VWF: variants seen among roughly 807,000 people sequenced by gnomAD.
VWF encodes the protein von Willebrand factor.
VWF carries 176 observed loss-of-function variants against 308.6 expected under a neutral mutation model. That is an observed-to-expected ratio of 0.57 (90% CI 0.50 to 0.65). The LOEUF (loss-of-function observed/expected upper bound fraction) is 0.65. VWF is among the 30% of genes least tolerant of loss of function. The pLI, the probability that VWF is intolerant of heterozygous loss-of-function variation, is 0.00. For synonymous variants in VWF, 1,385 were observed against 1,443.4 expected (o/e 0.96, Z 0.92); for missense variants, 3,146 against 3,648.2 (o/e 0.86, Z 3.55).
At position 6,114,788 on chromosome 12, in the gene VWF, G is replaced by C. The variant is rs187841618; in HGVS notation, c.221-3820C>G. On this transcript the variant is annotated intron_variant, in intron 3 of 51. Coordinates refer to ENST00000261405, the MANE Select transcript of VWF (RefSeq NM_000552.5). ...CAGGCAGCCAGGGGACGTGGGGCTG[G>C]CTGCCCTTGGAGCTTCACCTACCGC... 6.3e-3 allele frequency among the ~76,000 whole-genome samples: 952 copies of C among 152,294 alleles called. 7 individuals are homozygous for C. The highest frequency in any genetic ancestry group is 0.021 in the African/African-American group (888 of 41,572).
In VWF at chr12:6,052,642, T is replaced by A. The variant is rs1300253081; in HGVS notation, c.2087A>T (p.Asp696Val). ...GCFCPPGLYM[D>V]ERGDCVPKAQ... is the part of the protein sequence containing the mutation. Reference sequence around the variant, plus strand: ...CTTGGGCACGCAGTCCCCCCTCTCATCCATGTAGAGCCCTGGGGGGCAGAA... The same window carrying A: ...CTTGGGCACGCAGTCCCCCCTCTCAACCATGTAGAGCCCTGGGGGGCAGAA... Residue 696 changes from aspartate (D) to valine (V), a missense_variant, in exon 16 of 52, where the codon GAT becomes GTT. By Grantham distance (152) the Asp-to-Val change is radical (BLOSUM62 -3). Transcript: ENST00000261405. The A allele has an allele frequency of 3.1e-6, 5 of 1,614,100 alleles. No individual in the cohort carries two copies. The Admixed American group carries it at 6.7e-5, about 22-fold the overall frequency.
chr12:5,995,330 C>T (rs1162253185), intron 35 of VWF, among the ~76,000 whole-genome samples: 2 of 152,064 alleles, frequency 1.3e-5, no homozygotes, highest in African/African-American at 2.4e-5. Flanking sequence ...GATTTTTTAT[C>T]ATTTTGATTT....
chr12:5,982,549 A>C (rs1943618540), intron 41 of VWF, among the ~76,000 whole-genome samples: 1 of 152,080 alleles, frequency 6.6e-6, no homozygotes, highest in African/African-American at 2.4e-5. Flanking sequence ...GCTCCCTTCA[A>C]ACACAATGTG....
At chr12:5,968,653 G>A (rs1030078279) in intron 45 of VWF, among the ~76,000 whole-genome samples, 1 of 152,034 alleles carries the variant, frequency 6.6e-6, no homozygotes, top group African/African-American at 2.4e-5. Context: ...AAAATTAGCC[G>A]AGTGTGGTGG....
chr12:6,047,263 A>C (rs1944455850), intron 16 of VWF, among the ~76,000 whole-genome samples: 1 of 152,064 alleles, frequency 6.6e-6, no homozygotes, highest in Non-Finnish European at 1.5e-5. Context: ...ATAAATCTAC[A>C]TCAGCAGCTC....
chr12:5,955,464 G>A (rs901310801), intron 47 of VWF, among the ~76,000 whole-genome samples: 2 of 151,720 alleles, frequency 1.3e-5, no homozygotes, highest in South Asian at 2.1e-4. Flanking sequence ...GAGAACATGC[G>A]GTGTTTGGTT....
intron 47 of VWF, among the ~76,000 whole-genome samples, chr12:5,957,619 G>T (rs1176452353): frequency 7.2e-6 from 1 of 139,746 alleles, no homozygotes; most frequent in African/African-American, 3.3e-5. Context: ...CATACTTAAA[G>T]TGATGAAATT....
At chr12:5,998,498 AATATATATATATATATATAT>A (rs1428821953) in intron 34 of VWF, among the ~76,000 whole-genome samples, 29 of 30,942 alleles carry the variant, frequency 9.4e-4, no homozygotes, top group African/African-American at 3.7e-3. Context: ...AAAAAAAAAA[AATATATATATATATATATAT>A]ATATATATAT....
intron 13 of VWF, among the ~76,000 whole-genome samples, chr12:6,059,989 G>A (rs1835041774): frequency 6.6e-6 from 1 of 151,584 alleles, no homozygotes; most frequent in Non-Finnish European, 1.5e-5. Context: ...GCTCCCCAAA[G>A]GCGTTTTCAT....
intron 37 of VWF, among the ~76,000 whole-genome samples, chr12:5,992,505 G>A (rs879011390): frequency 5.9e-5 from 9 of 152,212 alleles, no homozygotes; most frequent in Admixed American, 2.6e-4. Flanking sequence ...CACCGCCTCC[G>A]ATCAGTTGTA....
intron 6 of VWF, among the ~76,000 whole-genome samples, chr12:6,093,988 G>C (rs1326720387): frequency 6.6e-6 from 1 of 152,190 alleles, no homozygotes; most frequent in Admixed American, 6.5e-5. Flanking sequence ...TCCCAGCCTT[G>C]TCAGGGTTGG....
At chr12:6,113,758 GTT>G (rs1945335717) in intron 3 of VWF, among the ~76,000 whole-genome samples, 1 of 152,196 alleles carries the variant, frequency 6.6e-6, no homozygotes, top group African/African-American at 2.4e-5. Flanking sequence ...ACAACCTCCA[GTT>G]TGCACCCTCT....
intron 38 of VWF, among the ~76,000 whole-genome samples, chr12:5,986,799 G>T (rs1324723235): frequency 6.6e-6 from 1 of 152,182 alleles, no homozygotes; most frequent in Non-Finnish European, 1.5e-5. Flanking sequence ...TTTTACCACT[G>T]CCCTCACTTT....
intron 11 of VWF, 93 bp from the exon 12 acceptor site, chr12:6,064,477 C>A: frequency 6.4e-7 from 1 of 1,554,812 alleles, no homozygotes; most frequent in African/African-American, 1.4e-5. Context: ...AGGCCTCAAC[C>A]CGAGAGCCTC....
intron 10 of VWF, among the ~76,000 whole-genome samples, chr12:6,066,366 A>G (rs1170531224): frequency 6.6e-6 from 1 of 152,176 alleles, no homozygotes; most frequent in Non-Finnish European, 1.5e-5. Flanking sequence ...TATTTCCTCC[A>G]CCTGCTCTCA....
intron 47 of VWF, among the ~76,000 whole-genome samples, chr12:5,958,004 A>G (rs1943269147): frequency 6.6e-6 from 1 of 152,158 alleles, no homozygotes; most frequent in Non-Finnish European, 1.5e-5. Flanking sequence ...ATGAAATGTT[A>G]TATTATTCAA....
intron 21 of VWF, among the ~76,000 whole-genome samples, chr12:6,030,204 A>G (rs1242643705): frequency 6.6e-6 from 1 of 152,230 alleles, no homozygotes; most frequent in Non-Finnish European, 1.5e-5. Flanking sequence ...TATCACATGC[A>G]GTGCAGAGCT....
chr12:6,036,149 A>C (rs1591875311), intron 19 of VWF, among the ~76,000 whole-genome samples: 4 of 152,234 alleles, frequency 2.6e-5, no homozygotes, highest in African/African-American at 9.6e-5. Flanking sequence ...GGTCCCAAGC[A>C]TTTCGGATAA....
rs1176801204 is a variant in VWF, at chr12:5,978,608, A to C, written c.7288-2348T>G. The stretch of plus-strand genomic sequence containing the variant: ...AAATAAGTAGTTAATTATGTTAGGA[A>C]ACCAGAATTTTCAACTTAGAAGAGA... On this transcript the variant is annotated intron_variant, in intron 42 of 51. Coordinates refer to ENST00000261405, the MANE Select transcript of VWF (RefSeq NM_000552.5). Among the ~76,000 whole-genome samples, 5 of 152,240 alleles carry C rather than the reference A, an allele frequency of 3.3e-5. No homozygotes were observed. The East Asian group carries it at 9.6e-4, about 29-fold the overall frequency.
Sources: allele counts gnomAD v4.1 joint callset (sites outside exome capture counted in the v4.1 genomes callset), GRCh38; gene constraint gnomAD v4.1.1; transcripts MANE v1.5; gene names NCBI Gene and HGNC (gene_info 2026-07-23, HGNC 2026-07-21).